Variants in VIRMA observed in about 807,000 individuals in gnomAD.
VIRMA encodes the protein protein virilizer homolog.
A neutral mutation model predicts 182.4 loss-of-function variants in VIRMA; 65 were observed. The ratio of observed to expected loss-of-function variants is 0.36; its 90% confidence interval spans 0.29 to 0.44. VIRMA has a LOEUF of 0.44. Among genes scored for constraint, VIRMA ranks in the 20% least tolerant of loss-of-function variants. The pLI, the probability that VIRMA is intolerant of heterozygous loss-of-function variation, is 1.00. For synonymous variants in VIRMA, 709 were observed against 743.1 expected, an observed-to-expected ratio of 0.95 and a Z score of 0.75; for missense variants, 1,752 against 2,158.1, an observed-to-expected ratio of 0.81 and a Z score of 3.73.
chr8:94,501,606 AAAAT>A (rs1224612584), intron 16 of VIRMA, among the ~76,000 whole-genome samples: 1 of 152,218 alleles, frequency 6.6e-6, no homozygotes, highest in Non-Finnish European at 1.5e-5. Context: ...GTTAGAGAAT[AAAAT>A]AATCAAGAAA....
intron 2 of VIRMA, among the ~76,000 whole-genome samples, chr8:94,540,257 T>C (rs1479470901): frequency 1.3e-5 from 2 of 152,284 alleles, no homozygotes; most frequent in Middle Eastern, 3.4e-3. Flanking sequence ...CATTAGACTA[T>C]GTAGCTATTA....
In VIRMA at chr8:94,489,974, C is replaced by A. The variant is rs764501753; in HGVS notation, c.5249G>T (p.Gly1750Val). The change falls in exon 23 of 24, where the codon GGC becomes GTC. Residue 1750 changes from glycine (G) to valine (V), a missense_variant. Physicochemically the swap from Gly to Val is moderately radical, Grantham distance 109. Transcript: ENST00000297591. ...SRGGQSNFNR[G>V]PLPPLRPLSS... is the part of the protein sequence containing the mutation. ...AAGGGGTCGTAATGGTGGAAGAGGGCCTCTGTTAAAATTGCTCTGGCCTCC... is the reference window on the plus strand; with the variant it reads ...AAGGGGTCGTAATGGTGGAAGAGGGACTCTGTTAAAATTGCTCTGGCCTCC... 7 of 1,614,104 alleles carry A rather than the reference C, an allele frequency of 4.3e-6. No homozygotes were observed. In the South Asian group the frequency reaches 6.6e-5, roughly 15 times the overall value.
At chr8:94,550,528 G>A (rs920193212) in intron 1 of VIRMA, among the ~76,000 whole-genome samples, 2 of 152,044 alleles carry the variant, frequency 1.3e-5, no homozygotes, top group South Asian at 4.2e-4. Context: ...TCCTGACCTC[G>A]TGATCCGCTT....
At chr8:94,491,443 CACTAGT>C in intron 22 of VIRMA, 129 bp downstream of exon 22, 1 of 757,476 alleles carries the variant, frequency 1.3e-6, no homozygotes, top group Non-Finnish European at 2.1e-6. Flanking sequence ...CAAACAGTAC[CACTAGT>C]CCAGAGGTGG....
At chr8:94,552,035 T>C (rs1309979288) in intron 1 of VIRMA, among the ~76,000 whole-genome samples, 1 of 152,260 alleles carries the variant, frequency 6.6e-6, no homozygotes, top group Non-Finnish European at 1.5e-5. Flanking sequence ...CAGTTTTAAC[T>C]GTTCTCTATT....
Position 94,519,231 on chromosome 8 carries a change from GCAT to G in VIRMA, c.2264_2266del (p.Asp755del), listed in dbSNP as rs1217794925. 2 of 1,614,140 alleles carry G rather than the reference GCAT, an allele frequency of 1.2e-6. No individual in the cohort carries two copies. Among genetic ancestry groups the G allele is most frequent in the South Asian group, 2.2e-5 (2 of 91,080 alleles). On this transcript the variant is annotated inframe_deletion, in exon 9 of 24. Transcript: ENST00000297591. The stretch of plus-strand genomic sequence containing the variant: ...TGAGTCCTGTAGCCACAAGGCAAAT[GCAT>G]CATCAATAACACCATCAGATTGGAG...
intron 1 of VIRMA, among the ~76,000 whole-genome samples, chr8:94,551,946 C>G (rs1816002285): frequency 6.6e-6 from 1 of 152,208 alleles, no homozygotes; most frequent in Admixed American, 6.5e-5. Context: ...GTCTCAAACT[C>G]CTGGACTCAA....
At chr8:94,548,786 G>A (rs3102873) in intron 1 of VIRMA, among the ~76,000 whole-genome samples, 18,275 of 152,148 alleles carry the variant, frequency 0.12, 1,602 homozygotes, top group African/African-American at 0.24. Flanking sequence ...CTCCTGAGTA[G>A]CTGGGACTAC....
intron 5 of VIRMA, chr8:94,533,618 T>TC (rs1360831461): frequency 9.4e-6 from 1 of 106,196 alleles, no homozygotes; most frequent in East Asian, 2.3e-4. Context: ...TTCTTTCTTT[T>TC]TTTTTTTTTT....
chr8:94,504,975 G>A (rs4734279), intron 16 of VIRMA, among the ~76,000 whole-genome samples: 75,767 of 151,978 alleles, frequency 0.5, 19,273 homozygotes, highest in Admixed American at 0.65. Flanking sequence ...TAGCACAGGT[G>A]TACAAAAAAT....
chr8:94,499,907 G>A (rs577069230), intron 16 of VIRMA, among the ~76,000 whole-genome samples: 2 of 151,778 alleles, frequency 1.3e-5, no homozygotes, highest in Non-Finnish European at 2.9e-5. Flanking sequence ...AAATTAACGG[G>A]GGGTGGCAGC....
intron 1 of VIRMA, chr8:94,546,766 T>C (rs1815781696): frequency 2.7e-6 from 1 of 376,342 alleles, no homozygotes; most frequent in African/African-American, 2.2e-5. Flanking sequence ...TCTTACGCCT[T>C]TGCATCCTGT....
intron 1 of VIRMA, among the ~76,000 whole-genome samples, chr8:94,552,501 AT>A (rs373687338): frequency 7.2e-5 from 11 of 152,238 alleles, no homozygotes; most frequent in African/African-American, 2.7e-4. Flanking sequence ...AAGGAAAAAA[AT>A]AATCTCCAAA....
At chr8:94,509,659 G>A in intron 15 of VIRMA, 29 bp downstream of exon 15, 1 of 1,589,524 alleles carries the variant, frequency 6.3e-7, no homozygotes, top group Non-Finnish European at 8.6e-7. Flanking sequence ...CACATGCAGA[G>A]AGAGACTTTA....
chr8:94,500,691 A>C (rs1372245494), intron 16 of VIRMA, among the ~76,000 whole-genome samples: 1 of 140,038 alleles, frequency 7.1e-6, no homozygotes, highest in East Asian at 2.0e-4. Context: ...AGTCTCCGGT[A>C]GTTTCTTTTA....
chr8:94,537,759 G>A (rs1191999417), intron 3 of VIRMA, among the ~76,000 whole-genome samples: 3 of 151,438 alleles, frequency 2.0e-5, no homozygotes, highest in African/African-American at 7.3e-5. Context: ...TTTGTTTGCA[G>A]ACATCACAAC....
At chr8:94,491,482 CTG>C in intron 22 of VIRMA, 94 bp downstream of exon 22, 1 of 1,179,608 alleles carries the variant, frequency 8.5e-7, no homozygotes, top group Non-Finnish European at 1.2e-6. Context: ...AACAGGAAAA[CTG>C]TTTATCTGAA....
intron 7 of VIRMA, among the ~76,000 whole-genome samples, chr8:94,528,548 G>C (rs915972416): frequency 1.6e-4 from 24 of 152,054 alleles, no homozygotes; most frequent in African/African-American, 5.8e-4. Flanking sequence ...CTCACTTTTT[G>C]CTTTCAAAGG....
chr8:94,494,591 CAAAAAAAAAAA>C (rs1175058697), intron 20 of VIRMA, among the ~76,000 whole-genome samples: 39 of 42,926 alleles, frequency 9.1e-4, no homozygotes, highest in South Asian at 4.3e-3. Context: ...GACTCTGTCT[CAAAAAAAAAAA>C]AAAAAAAAAA....
Sources: allele counts gnomAD v4.1 joint callset (sites outside exome capture counted in the v4.1 genomes callset), GRCh38; gene constraint gnomAD v4.1.1; transcripts MANE v1.5; gene names NCBI Gene and HGNC (gene_info 2026-07-23, HGNC 2026-07-21).